TMEM196: variants seen among roughly 807,000 people sequenced by gnomAD.
TMEM196 encodes the protein transmembrane protein 196.
TMEM196 carries 17 observed loss-of-function variants against 20.0 expected under a neutral mutation model. The ratio of observed to expected loss-of-function variants is 0.85; its 90% CI spans 0.58 to 1.27. TMEM196 has a LOEUF of 1.27. Among genes scored for constraint, TMEM196 ranks in the 50% most tolerant of loss-of-function variants. The pLI is 0.00. For synonymous variants in TMEM196, 113 were observed against 88.9 expected, an observed-to-expected ratio of 1.27 and a Z score of -1.52; for missense variants, 267 against 223.0, an observed-to-expected ratio of 1.20 and a Z score of -1.26.
At chr7:19,736,770 T>G (rs992831226) in intron 1 of TMEM196, among the ~76,000 whole-genome samples, 1 of 151,840 alleles carries the variant, frequency 6.6e-6, no homozygotes, top group African/African-American at 2.4e-5. Flanking sequence ...AAACATGGAG[T>G]CAATGTTCAA....
At chr7:19,746,216 G>C (rs1044935924) in intron 1 of TMEM196, among the ~76,000 whole-genome samples, 1 of 152,164 alleles carries the variant, frequency 6.6e-6, no homozygotes, top group Non-Finnish European at 1.5e-5. Context: ...CTAATCAATA[G>C]AGCTGTCCAC....
Position 19,758,803 on chromosome 7 carries a change from C to T in TMEM196, c.147+13747G>A, listed in dbSNP as rs188202756. 1.0e-3 allele frequency among the ~76,000 whole-genome samples: 152 copies of T among 152,258 alleles called. 1 individual carries two copies. Among genetic ancestry groups the T allele is most frequent in the East Asian group, 3.1e-3 (16 of 5,182 alleles). On this transcript the variant is annotated intron_variant, in intron 1 of 4. Transcript: ENST00000405844. ...AAAAAAGCAGAAGCTGTCCAAGACTCGTATCTGCATTGGCCATTTAATGTG... is the reference window on the plus strand; with the variant it reads ...AAAAAAGCAGAAGCTGTCCAAGACTTGTATCTGCATTGGCCATTTAATGTG...
chr7:19,740,638 G>T (rs1166753030), intron 1 of TMEM196, among the ~76,000 whole-genome samples: 1 of 152,118 alleles, frequency 6.6e-6, no homozygotes, highest in Admixed American at 6.6e-5. Flanking sequence ...TACTCAGAAT[G>T]TGTATTTGGA....
intron 1 of TMEM196, among the ~76,000 whole-genome samples, chr7:19,742,840 A>G (rs1784624978): frequency 6.6e-6 from 1 of 152,168 alleles, no homozygotes; most frequent in Non-Finnish European, 1.5e-5. Flanking sequence ...GCAGCAATTG[A>G]TGTCTCACAT....
At chr7:19,725,473 C>T in intron 3 of TMEM196, 41 bp downstream of exon 3, 3 of 1,566,418 alleles carry the variant, frequency 1.9e-6, no homozygotes, top group South Asian at 1.2e-5. Context: ...CTTCAGTCTT[C>T]ATCATGTGCT....
At chr7:19,728,114 A>C (rs1784064019) in intron 2 of TMEM196, among the ~76,000 whole-genome samples, 1 of 152,142 alleles carries the variant, frequency 6.6e-6, no homozygotes, top group African/African-American at 2.4e-5. Flanking sequence ...GAGAAGTGCC[A>C]CTATTGCCTT....
chr7:19,752,750 G>A (rs1351415214), intron 1 of TMEM196, among the ~76,000 whole-genome samples: 1 of 151,932 alleles, frequency 6.6e-6, no homozygotes, highest in Admixed American at 6.6e-5. Flanking sequence ...GAGTAGCTGG[G>A]ACTACAGGTG....
chr7:19,739,149 A>T (rs1784503650), intron 1 of TMEM196, among the ~76,000 whole-genome samples: 1 of 152,166 alleles, frequency 6.6e-6, no homozygotes, highest in South Asian at 2.1e-4. Context: ...ATAGAAAGAA[A>T]TTAAAAGTAT....
chr7:19,725,241 A>T (rs1207651892), intron 3 of TMEM196, among the ~76,000 whole-genome samples: 1 of 152,232 alleles, frequency 6.6e-6, no homozygotes, highest in Non-Finnish European at 1.5e-5. Context: ...ATAATACATA[A>T]AAATCCATAT....
intron 1 of TMEM196, among the ~76,000 whole-genome samples, chr7:19,751,590 T>G (rs1784961954): frequency 6.6e-6 from 1 of 152,206 alleles, no homozygotes; most frequent in African/African-American, 2.4e-5. Flanking sequence ...AAAGTGCTGT[T>G]AAAAATATTA....
rs71017071 is a variant in TMEM196, at chr7:19,736,353, C to CTATATATATATA, written c.148-6927_148-6916dup. ...GATCCCACTTTTCTAGTGGTTCCTACTATATATATATATATATATATATAT... is the reference window on the plus strand; with the variant it reads ...GATCCCACTTTTCTAGTGGTTCCTACTATATATATATATATATATATATATATATATATATAT... On this transcript the variant is annotated intron_variant, in intron 1 of 4. Transcript: ENST00000405844. 1.2e-3 allele frequency among the ~76,000 whole-genome samples: 47 copies of CTATATATATATA among 37,914 alleles called. 2 individuals are homozygous for CTATATATATATA. The highest frequency in any genetic ancestry group is 1.8e-3 in the African/African-American group (17 of 9,338). 24.9% of individuals were successfully genotyped at this position (37,914 alleles called of 152,430 possible). A position where few individuals can be genotyped will look rare whatever the true frequency, so the allele number is the denominator to read the frequency against.
intron 3 of TMEM196, among the ~76,000 whole-genome samples, chr7:19,724,689 G>T (rs927675713): frequency 2.6e-5 from 4 of 152,128 alleles, no homozygotes; most frequent in Admixed American, 6.5e-5. Flanking sequence ...AAAGAGATGT[G>T]CAGTAAGTCT....
chr7:19,743,170 G>A (rs12530799), intron 1 of TMEM196, among the ~76,000 whole-genome samples: 35,286 of 152,048 alleles, frequency 0.23, 5,119 homozygotes, highest in East Asian at 0.44. Context: ...TTTAAGCTTT[G>A]TTTGTTTTTC....
At position 19,773,219 on chromosome 7, in the gene TMEM196, T is replaced by C. The variant is rs936176902; in HGVS notation, c.-523A>G. 1 of 152,476 alleles carries C rather than the reference T, an allele frequency of 6.6e-6. No individual in the cohort carries two copies. Among genetic ancestry groups the C allele is most frequent in the Non-Finnish European group, 1.5e-5 (1 of 68,278 alleles). The allele number at this position is 152,476 out of a possible 1,614,324, so 9.4% of individuals were successfully genotyped here. On this transcript the variant is annotated 5_prime_UTR_variant, in exon 1 of 5. Coordinates refer to ENST00000405844, the MANE Select transcript of TMEM196 (RefSeq NM_001363562.2). ...TCCCTCTCCCGTTCGTCACCTCTCC[T>C]TTGTTTTCGTGGCAATGCGAAGTGC... is the stretch of plus-strand genomic sequence containing the variant.
At chr7:19,761,909 A>C (rs1785450823) in intron 1 of TMEM196, among the ~76,000 whole-genome samples, 1 of 152,180 alleles carries the variant, frequency 6.6e-6, no homozygotes, top group South Asian at 2.1e-4. Flanking sequence ...CAATTTCTTC[A>C]CATCTCCCCC....
At chr7:19,723,039 A>C (rs1189080394) in intron 4 of TMEM196, among the ~76,000 whole-genome samples, 1 of 152,134 alleles carries the variant, frequency 6.6e-6, no homozygotes, top group Non-Finnish European at 1.5e-5. Flanking sequence ...AAAAAATTAG[A>C]AGTGGAAATT....
rs1174414257 is a variant in TMEM196, at chr7:19,721,985, C to G, written c.*143G>C. 4 of 1,099,836 alleles carry G rather than the reference C, an allele frequency of 3.6e-6. No individual in the cohort carries two copies. Among genetic ancestry groups the G allele is most frequent in the East Asian group, 2.5e-5 (1 of 40,190 alleles). 68.1% of individuals were successfully genotyped at this position (1,099,836 alleles called of 1,614,324 possible). ...AGTGGATGCTCAGGAGAGATAAATG[C>G]AAATGCAAAAACTGTTTTATTTTCT... On this transcript the variant is annotated 3_prime_UTR_variant, in exon 5 of 5. Coordinates refer to ENST00000405844, the MANE Select transcript of TMEM196 (RefSeq NM_001363562.2).
intron 1 of TMEM196, among the ~76,000 whole-genome samples, chr7:19,737,267 C>T (rs1247822851): frequency 6.6e-6 from 1 of 151,722 alleles, no homozygotes; most frequent in Non-Finnish European, 1.5e-5. Context: ...AGTGAAATAC[C>T]AAGACGAATC....
intron 3 of TMEM196, 81 bp downstream of exon 3, chr7:19,725,433 A>T (rs1422609763): frequency 5.4e-6 from 8 of 1,470,484 alleles, no homozygotes; most frequent in Non-Finnish European, 7.3e-6. Flanking sequence ...ATTGTGATCT[A>T]AAGTTTCAAG....
Sources: gnomAD v4.1 joint callset for allele counts (sites outside exome capture counted in the v4.1 genomes callset) on GRCh38, gnomAD v4.1.1 for gene constraint, MANE v1.5 for transcripts, NCBI Gene and HGNC (gene_info 2026-07-23, HGNC 2026-07-21) for gene names.